The following HIRA variants were observed in gnomAD, a reference collection of about 807,000 sequenced individuals.
HIRA encodes the protein protein HIRA.
Under a neutral mutation model 126.6 loss-of-function variants are expected in HIRA, and 13 were observed. That is an observed-to-expected ratio of 0.10 (90% CI 0.07 to 0.16). The LOEUF (loss-of-function observed/expected upper bound fraction) is 0.16. HIRA is among the 10% of genes least tolerant of loss of function. The probability of loss-of-function intolerance (pLI) is 1.00; values close to 1 mark genes in which losing one functional copy is unlikely to be tolerated. For missense variants in HIRA, 834 were observed against 1,314.4 expected (o/e 0.63, Z 5.65); for synonymous variants, 511 against 520.0 (o/e 0.98, Z 0.24).
At chr22:19,347,290 C>G (rs986703) in intron 24 of HIRA, among the ~76,000 whole-genome samples, 132,162 of 152,214 alleles carry the variant, frequency 0.87, 58,641 homozygotes, top group Non-Finnish European at 0.96. Flanking sequence ...AGGATTTCCA[C>G]ATAGGGTAAA....
At chr22:19,364,619 A>C (rs2088895410) in intron 15 of HIRA, among the ~76,000 whole-genome samples, 1 of 152,130 alleles carries the variant, frequency 6.6e-6, no homozygotes, top group South Asian at 2.1e-4. Context: ...GGCACTGTGA[A>C]CCACACCCAT....
At chr22:19,334,099 C>T (rs968595606) in intron 24 of HIRA, among the ~76,000 whole-genome samples, 5 of 151,746 alleles carry the variant, frequency 3.3e-5, no homozygotes, top group African/African-American at 7.3e-5. Flanking sequence ...CTCAGCCTCC[C>T]GAGTAGCTGG....
At chr22:19,358,086 G>C (rs1225450579) in intron 18 of HIRA, among the ~76,000 whole-genome samples, 3 of 152,018 alleles carry the variant, frequency 2.0e-5, no homozygotes, top group Admixed American at 6.6e-5. Flanking sequence ...TGCAACCTCC[G>C]CCTCCCCAGT....
At chr22:19,373,268 T>C (rs895045577) in intron 15 of HIRA, among the ~76,000 whole-genome samples, 4 of 152,212 alleles carry the variant, frequency 2.6e-5, no homozygotes, top group African/African-American at 9.7e-5. Flanking sequence ...AGCTTTCATG[T>C]CTTTCAAAAT....
At chr22:19,378,162 G>A in intron 13 of HIRA, 96 bp from the exon 14 acceptor site, 1 of 864,268 alleles carries the variant, frequency 1.2e-6, no homozygotes, top group Non-Finnish European at 1.7e-6. Context: ...TCCAAAGGCA[G>A]TATGTTTTCA....
chr22:19,346,959 T>C (rs2088693611), intron 24 of HIRA, among the ~76,000 whole-genome samples: 1 of 152,190 alleles, frequency 6.6e-6, no homozygotes, highest in African/African-American at 2.4e-5. Context: ...GGCCATCAAA[T>C]GGTAGCCTGT....
At chr22:19,341,237 G>A (rs2088624699) in intron 24 of HIRA, among the ~76,000 whole-genome samples, 2 of 152,222 alleles carry the variant, frequency 1.3e-5, no homozygotes, top group South Asian at 4.2e-4. Flanking sequence ...GATCACTTGA[G>A]CCCAGGAGTT....
chr22:19,411,858 T>G (rs887298173), intron 1 of HIRA, among the ~76,000 whole-genome samples: 3 of 152,198 alleles, frequency 2.0e-5, no homozygotes, highest in Non-Finnish European at 4.4e-5. Context: ...GTCTGAGAAC[T>G]GTGAAGTCCT....
chr22:19,367,812 C>G (rs5748155), intron 15 of HIRA, among the ~76,000 whole-genome samples: 6 of 152,158 alleles, frequency 3.9e-5, no homozygotes, highest in Non-Finnish European at 8.8e-5. Flanking sequence ...TGTGGAATTT[C>G]TTTTCCCAAA....
chr22:19,392,320 A>G lies in HIRA; in HGVS notation c.823-106T>C, dbSNP rs1370792790. On this transcript the variant is annotated intron_variant, in intron 8 of 24. Coordinates refer to ENST00000263208, the MANE Select transcript of HIRA (RefSeq NM_003325.4). ...GGGAGTCTCCCACAGACATTCTCTG[A>G]GCCCAGGCACTGAGCATGCATTTCA... is the stretch of plus-strand genomic sequence containing the variant. 12 of 633,380 alleles carry G rather than the reference A, an allele frequency of 1.9e-5. No homozygotes were observed. In the Admixed American group the frequency reaches 2.2e-4, roughly 12 times the overall value. The allele number at this position is 633,380 out of a possible 1,614,324, so 39.2% of individuals were successfully genotyped here.
chr22:19,375,872 C>T, intron 14 of HIRA, 80 bp from the exon 15 acceptor site: 1 of 1,452,008 alleles, frequency 6.9e-7, no homozygotes, highest in East Asian at 2.4e-5. Flanking sequence ...TATTTGGAGC[C>T]TACTAAAAAA....
Position 19,392,214 on chromosome 22 carries a change from T to G in HIRA, c.823A>C (p.Lys275Gln). The change falls in exon 9 of 25, where the codon AAA becomes CAA. Residue 275 changes from lysine (K) to glutamine (Q), a missense_variant and splice_region_variant. Transcript: ENST00000263208. The part of the protein sequence containing the change: ...VGHRKAVTVV[K>Q]FNPKIFKKKQ... Reference sequence around the variant, plus strand: ...TTTTTGAAGATTTTTGGGTTGAATTTCTAAAGCCAAATAACAGATGTTAAA... The same window carrying G: ...TTTTTGAAGATTTTTGGGTTGAATTGCTAAAGCCAAATAACAGATGTTAAA... 1.3e-6 allele frequency: 2 copies of G among 1,584,270 alleles called. No individual in the cohort carries two copies. Among genetic ancestry groups the G allele is most frequent in the Non-Finnish European group, 1.7e-6 (2 of 1,153,764 alleles).
At chr22:19,336,822 C>T (rs886601072) in intron 24 of HIRA, among the ~76,000 whole-genome samples, 8 of 152,322 alleles carry the variant, frequency 5.3e-5, no homozygotes, top group African/African-American at 1.2e-4. Flanking sequence ...TAGGAATCTC[C>T]ATCCCTAGGG....
At chr22:19,365,448 C>G (rs2088903816) in intron 15 of HIRA, among the ~76,000 whole-genome samples, 1 of 152,174 alleles carries the variant, frequency 6.6e-6, no homozygotes, top group South Asian at 2.1e-4. Context: ...GAAGTCAATA[C>G]TCATTAACTA....
chr22:19,366,835 G>A (rs1242848249), intron 15 of HIRA, among the ~76,000 whole-genome samples: 1 of 152,006 alleles, frequency 6.6e-6, no homozygotes, highest in African/African-American at 2.4e-5. Context: ...ATCTCAGCTC[G>A]CTGCAACCTC....
chr22:19,394,849 C>T (rs1201381092), intron 7 of HIRA, among the ~76,000 whole-genome samples: 1 of 152,218 alleles, frequency 6.6e-6, no homozygotes, highest in Admixed American at 6.5e-5. Context: ...TGACCCAATT[C>T]TTCTGTGTAG....
Position 19,351,335 on chromosome 22 carries a change from G to A in HIRA, c.2937+23C>T. ...CATGTTTCAAGAAAGAATTCTTGCA[G>A]CAACAATGAAAGAAGCACCTACCAC... On this transcript the variant is annotated intron_variant, in intron 24 of 24. Coordinates refer to ENST00000263208, the MANE Select transcript of HIRA (RefSeq NM_003325.4). This position sits in a 1 kb window ranked among gnomAD's most constrained non-coding sequence, Gnocchi z 4.8. The A allele has an allele frequency of 1.3e-6, 2 of 1,578,176 alleles. No homozygotes were observed. Among genetic ancestry groups the A allele is most frequent in the South Asian group, 1.2e-5 (1 of 84,526 alleles).
At chr22:19,355,165 T>G (rs2088799106) in intron 21 of HIRA, among the ~76,000 whole-genome samples, 1 of 152,104 alleles carries the variant, frequency 6.6e-6, no homozygotes. Context: ...GTAGCAAGCT[T>G]TGGTTCTTAA....
intron 15 of HIRA, among the ~76,000 whole-genome samples, chr22:19,367,408 T>C (rs1601821896): frequency 6.7e-6 from 1 of 150,296 alleles, no homozygotes; most frequent in African/African-American, 2.5e-5. Context: ...ACTCTGTTGC[T>C]CAGGCTGGAA....
Sources: gnomAD v4.1 joint callset for allele counts (sites outside exome capture counted in the v4.1 genomes callset) on GRCh38, gnomAD v4.1.1 for gene constraint, Gnocchi (gnomAD v3.1) non-coding constraint, MANE v1.5 for transcripts, NCBI Gene and HGNC (gene_info 2026-07-23, HGNC 2026-07-21) for gene names.